The following CLSTN2 variants were observed in gnomAD, a reference collection of about 807,000 sequenced individuals.
The protein encoded by CLSTN2 is calsyntenin-2.
In CLSTN2, 48 loss-of-function variants were observed where a neutral mutation model predicts 101.2. The ratio of observed to expected loss-of-function variants is 0.47; its 90% CI spans 0.38 to 0.60. CLSTN2 has a LOEUF of 0.60. CLSTN2 is among the 20% of genes least tolerant of loss of function. CLSTN2 has a pLI of 0.00. For missense variants in CLSTN2, 1,160 were observed against 1,238.2 expected (o/e 0.94, Z 0.95); for synonymous variants, 481 against 463.6 (o/e 1.04, Z -0.48).
intron 1 of CLSTN2, among the ~76,000 whole-genome samples, chr3:140,143,192 CTGAGTA>C (rs1328277038): frequency 6.6e-6 from 1 of 152,160 alleles, no homozygotes; most frequent in African/African-American, 2.4e-5. Flanking sequence ...CGTCATGTAT[CTGAGTA>C]TAAGTATTTC....
At chr3:140,362,529 C>T (rs925684267) in intron 2 of CLSTN2, among the ~76,000 whole-genome samples, 1 of 151,980 alleles carries the variant, frequency 6.6e-6, no homozygotes, top group African/African-American at 2.4e-5. Context: ...AAAAGATAAA[C>T]AACAGACTTG....
At chr3:140,074,520 C>G (rs1431656645) in intron 1 of CLSTN2, among the ~76,000 whole-genome samples, 1 of 152,200 alleles carries the variant, frequency 6.6e-6, no homozygotes, top group Non-Finnish European at 1.5e-5. Context: ...GTTCTGGCTT[C>G]TTGCCCAAAT....
intron 1 of CLSTN2, among the ~76,000 whole-genome samples, chr3:140,055,198 A>G (rs79258365): frequency 0.023 from 3,444 of 152,260 alleles, 142 homozygotes; most frequent in African/African-American, 0.077. Context: ...GACTTTCCAG[A>G]GATGGATGGC....
At chr3:139,969,432 C>T (rs1313641491) in intron 1 of CLSTN2, among the ~76,000 whole-genome samples, 1 of 152,158 alleles carries the variant, frequency 6.6e-6, no homozygotes, top group East Asian at 1.9e-4. Context: ...TGAGTGCCTC[C>T]CCTGTGCCAC....
intron 1 of CLSTN2, among the ~76,000 whole-genome samples, chr3:140,154,416 G>A (rs2009915645): frequency 6.6e-6 from 1 of 152,104 alleles, no homozygotes; most frequent in Admixed American, 6.5e-5. Flanking sequence ...TAAACCATGA[G>A]AAGTACTTTG....
At chr3:140,331,792 C>T (rs1396908992) in intron 2 of CLSTN2, among the ~76,000 whole-genome samples, 1 of 152,196 alleles carries the variant, frequency 6.6e-6, no homozygotes, top group Non-Finnish European at 1.5e-5. Flanking sequence ...ATGCTGACTC[C>T]TTTACTCATT....
chr3:140,317,465 T>C (rs930519294), intron 2 of CLSTN2, among the ~76,000 whole-genome samples: 1 of 152,146 alleles, frequency 6.6e-6, no homozygotes, highest in African/African-American at 2.4e-5. Flanking sequence ...TGCAGTCCAC[T>C]GGAGGAGTGT....
chr3:140,565,795 T>A lies in CLSTN2; in HGVS notation c.2668-258T>A, dbSNP rs146665106. On this transcript the variant is annotated intron_variant, in intron 16 of 16. Coordinates refer to ENST00000458420, the MANE Select transcript of CLSTN2 (RefSeq NM_022131.3). ...AGGATTGGCTAAAATGTCCAGCCCA[T>A]CATTTATACCCAACAGTCTACCTTG... Among the ~76,000 whole-genome samples, 5 of 152,340 alleles carry A rather than the reference T, an allele frequency of 3.3e-5. No individual in the cohort carries two copies. The East Asian group carries it at 9.6e-4, about 29-fold the overall frequency.
At chr3:140,169,889 G>A (rs1238954444) in intron 1 of CLSTN2, among the ~76,000 whole-genome samples, 1 of 152,062 alleles carries the variant, frequency 6.6e-6, no homozygotes, top group African/African-American at 2.4e-5. Flanking sequence ...TGGGTACTAT[G>A]TTTGCATACA....
In CLSTN2 at chr3:140,429,243, T is replaced by C. The variant is rs1440585521; in HGVS notation, c.787+7969T>C. Among the ~76,000 whole-genome samples, 3 of 152,118 alleles carry C rather than the reference T, an allele frequency of 2.0e-5. No homozygotes were observed. The South Asian group carries it at 6.2e-4, about 32-fold the overall frequency. ...AGTTAACCCTTTAGTGAAGGCCTAC[T>C]GTGTGCTAAAGGCTGGGGATACGGG... is the stretch of plus-strand genomic sequence containing the variant. On this transcript the variant is annotated intron_variant, in intron 5 of 16. Coordinates refer to ENST00000458420, the MANE Select transcript of CLSTN2 (RefSeq NM_022131.3).
At chr3:140,179,648 A>C (rs77737391) in intron 2 of CLSTN2, among the ~76,000 whole-genome samples, 39 of 148,346 alleles carry the variant, frequency 2.6e-4, no homozygotes, top group African/African-American at 9.6e-4. Flanking sequence ...AAAAAAAAAA[A>C]AAAACCTTGC....
intron 2 of CLSTN2, among the ~76,000 whole-genome samples, chr3:140,198,881 A>G (rs1270116838): frequency 1.3e-5 from 2 of 152,190 alleles, no homozygotes; most frequent in Non-Finnish European, 2.9e-5. Context: ...TAACGTAGGT[A>G]TGGATGAAAT....
chr3:140,095,760 T>C (rs1424154918), intron 1 of CLSTN2, among the ~76,000 whole-genome samples: 1 of 152,186 alleles, frequency 6.6e-6, no homozygotes, highest in African/African-American at 2.4e-5. Flanking sequence ...CCTGGGGTAT[T>C]GGGACCATGT....
intron 1 of CLSTN2, among the ~76,000 whole-genome samples, chr3:139,953,615 A>G (rs1464423051): frequency 6.6e-6 from 1 of 152,038 alleles, no homozygotes; most frequent in African/African-American, 2.4e-5. Context: ...CTTACCAATG[A>G]CTCACAGGCA....
intron 1 of CLSTN2, among the ~76,000 whole-genome samples, chr3:140,092,833 T>A (rs1286371035): frequency 6.6e-6 from 1 of 152,224 alleles, no homozygotes; most frequent in Non-Finnish European, 1.5e-5. Context: ...CCCTCCATGG[T>A]GCATTTCAGT....
At chr3:140,204,247 C>T (rs879593838) in intron 2 of CLSTN2, among the ~76,000 whole-genome samples, 1 of 152,272 alleles carries the variant, frequency 6.6e-6, no homozygotes, top group East Asian at 1.9e-4. Context: ...TGGGGCCACC[C>T]AAAAACATGT....
chr3:140,115,444 C>T (rs1441850622), intron 1 of CLSTN2, among the ~76,000 whole-genome samples: 2 of 152,106 alleles, frequency 1.3e-5, no homozygotes, highest in Non-Finnish European at 2.9e-5. Context: ...GGCCTCTCAC[C>T]CCCACCTCTG....
chr3:140,437,349 G>C (rs2088699224), intron 5 of CLSTN2, among the ~76,000 whole-genome samples: 1 of 152,140 alleles, frequency 6.6e-6, no homozygotes, highest in African/African-American at 2.4e-5. Context: ...AGCCCAGCCA[G>C]GAGGTTCGGT....
At chr3:140,057,038 G>A (rs1485362053) in intron 1 of CLSTN2, among the ~76,000 whole-genome samples, 1 of 152,184 alleles carries the variant, frequency 6.6e-6, no homozygotes, top group African/African-American at 2.4e-5. Context: ...CCACCCTGCA[G>A]CTTCAATAGG....
Sources: gnomAD v4.1 joint callset for allele counts (sites outside exome capture counted in the v4.1 genomes callset) on GRCh38, gnomAD v4.1.1 for gene constraint, MANE v1.5 for transcripts, NCBI Gene and HGNC (gene_info 2026-07-23, HGNC 2026-07-21) for gene names.